AKR1A1: variants seen among roughly 807,000 people sequenced by gnomAD.
AKR1A1 encodes HEL-S-165mP.
In AKR1A1, 26 loss-of-function variants were observed where a neutral mutation model predicts 39.2. That is an observed-to-expected ratio of 0.66 (90% CI 0.49 to 0.92). The LOEUF is 0.92. AKR1A1 is among the 40% of genes least tolerant of loss of function. The pLI is 0.00. For missense variants in AKR1A1, 378 were observed against 406.5 expected (o/e 0.93, Z 0.60); for synonymous variants, 141 against 155.5 (o/e 0.91, Z 0.69).
chr1:45,555,371 C>T (rs1410295681), intron 1 of AKR1A1, among the ~76,000 whole-genome samples: 3 of 152,052 alleles, frequency 2.0e-5, no homozygotes, highest in Non-Finnish European at 4.4e-5. Context: ...CCTGTAATCC[C>T]AGCTACTCGG....
intron 8 of AKR1A1, 138 bp from the exon 9 acceptor site, chr1:45,569,753 G>A (rs1644390621): frequency 2.8e-6 from 2 of 711,568 alleles, no homozygotes; most frequent in South Asian, 3.3e-5. Flanking sequence ...GTTCTCTGAG[G>A]ATGGGGATCC....
chr1:45,568,716 G>A (rs777038009), intron 6 of AKR1A1, 32 bp downstream of exon 6: 1 of 1,611,438 alleles, frequency 6.2e-7, no homozygotes, highest in Non-Finnish European at 8.5e-7. Flanking sequence ...AGGGCCCTGG[G>A]TTGGGAGGCA....
chr1:45,565,778 ATT>A (rs75741001), intron 2 of AKR1A1, among the ~76,000 whole-genome samples: 10 of 141,260 alleles, frequency 7.1e-5, no homozygotes, highest in African/African-American at 1.0e-4. Flanking sequence ...CCTGGCCTTA[ATT>A]TTTTTTTTTT....
At position 45,562,501 on chromosome 1, in the gene AKR1A1, G is replaced by A. The variant is rs76607096; in HGVS notation, c.84+623G>A. On this transcript the variant is annotated intron_variant, in intron 2 of 8. Coordinates refer to ENST00000351829, the MANE Select transcript of AKR1A1 (RefSeq NM_153326.3). ...GGACCACAGGCACACACTAACACAC[G>A]GGCCCAGCAAACTTTTTTTTTTTTT... 6.0e-3 allele frequency among the ~76,000 whole-genome samples: 818 copies of A among 136,834 alleles called. 9 individuals carry two copies. The highest frequency in any genetic ancestry group is 0.039 in the East Asian group (175 of 4,458). The allele number at this position is 136,834 out of a possible 152,430, so 89.8% of individuals were successfully genotyped here.
In AKR1A1 at chr1:45,567,984, G is replaced by T. The variant is rs200920279; in HGVS notation, c.359G>T (p.Arg120Leu). The T allele has an allele frequency of 3.1e-6, 5 of 1,610,766 alleles. No individual in the cohort carries two copies. The highest frequency in any genetic ancestry group is 4.2e-6 in the Non-Finnish European group (5 of 1,177,838). The change falls in exon 5 of 9, where the codon CGG becomes CTG. Residue 120 changes from arginine (R) to leucine (L), a missense_variant and splice_region_variant. Coordinates refer to ENST00000351829, the MANE Select transcript of AKR1A1 (RefSeq NM_153326.3). ...YLMHWPYAFE[R>L]GDNPFPKNAD... ...TGGTGGGGCTGTCTCTCACTCAGGC[G>T]GGGAGACAACCCCTTCCCCAAGAAT...
chr1:45,554,941 T>C (rs1644181086), intron 1 of AKR1A1, among the ~76,000 whole-genome samples: 1 of 152,162 alleles, frequency 6.6e-6, no homozygotes, highest in Non-Finnish European at 1.5e-5. Flanking sequence ...TCTGCTTGCC[T>C]CAGCCTCCCA....
intron 2 of AKR1A1, among the ~76,000 whole-genome samples, chr1:45,562,778 G>C (rs1644294988): frequency 1.3e-5 from 2 of 151,932 alleles, no homozygotes; most frequent in African/African-American, 4.8e-5. Context: ...CCAAAGTGCT[G>C]GGATTACAGA....
intron 1 of AKR1A1, among the ~76,000 whole-genome samples, chr1:45,558,282 G>T (rs1468736144): frequency 6.6e-6 from 1 of 151,892 alleles, no homozygotes; most frequent in Non-Finnish European, 1.5e-5. Flanking sequence ...AGACTGGAGT[G>T]CAGTGGCACT....
rs1270921758 is a variant in AKR1A1, at chr1:45,567,023, G to C, written c.356+3G>C. 6.2e-7 allele frequency: 1 copy of C among 1,613,124 alleles called. No individual in the cohort carries two copies. The highest frequency in any genetic ancestry group is 8.5e-7 in the Non-Finnish European group (1 of 1,179,452). On this transcript the variant is annotated splice_donor_region_variant and intron_variant, in intron 4 of 8. Transcript: ENST00000351829. The stretch of plus-strand genomic sequence containing the variant: ...ATGCACTGGCCTTATGCCTTTGAGT[G>C]AGCCTTGCCAGAGCCTCATCTGGGG...
At chr1:45,565,206 C>T (rs1644325680) in intron 2 of AKR1A1, among the ~76,000 whole-genome samples, 1 of 141,654 alleles carries the variant, frequency 7.1e-6, no homozygotes, top group Admixed American at 7.6e-5. Context: ...TCTTGGCTCA[C>T]TGTAACCTCC....
chr1:45,566,486 T>C, intron 2 of AKR1A1, 83 bp from the exon 3 acceptor site: 6 of 1,566,922 alleles, frequency 3.8e-6, no homozygotes, highest in Non-Finnish European at 5.2e-6. Context: ...CTGAGCCCCC[T>C]TCCCCCAGCA....
At chr1:45,568,860 A>G in intron 6 of AKR1A1, 67 bp from the exon 7 acceptor site, 2 of 1,571,846 alleles carry the variant, frequency 1.3e-6, no homozygotes, top group Non-Finnish European at 1.8e-6. Context: ...GGGAAGCTGC[A>G]TGGGGAACAA....
At chr1:45,563,398 T>C (rs1034941913) in intron 2 of AKR1A1, among the ~76,000 whole-genome samples, 2 of 150,584 alleles carry the variant, frequency 1.3e-5, no homozygotes, top group Non-Finnish European at 3.0e-5. Context: ...AGACTCCGTC[T>C]AGGGGGAAAA....
intron 4 of AKR1A1, 198 bp downstream of exon 4, chr1:45,567,218 A>T: frequency 2.9e-6 from 2 of 693,702 alleles, no homozygotes; most frequent in South Asian, 4.3e-5. Flanking sequence ...TGGAAAAAGG[A>T]AGGCAGTCTC....
In AKR1A1 at chr1:45,568,594, G is replaced by A. The variant is rs769037430; in HGVS notation, c.662G>A (p.Arg221His). ...TTGGGCTCCTCTGATCGTGCATGGC[G>A]TGATCCTGATGAGCCTGTCCTGCTG... ...SPLGSSDRAW[R>H]DPDEPVLLEE... Residue 221 changes from arginine (R) to histidine (H), a missense_variant, in exon 6 of 9, where the codon CGT (arginine) becomes CAT (histidine). By Grantham distance (29) the Arg-to-His change is conservative. Transcript: ENST00000351829. 39 of 1,614,014 alleles carry A rather than the reference G, an allele frequency of 2.4e-5. No homozygotes were observed. In the East Asian group the frequency reaches 4.2e-4, roughly 18 times the overall value.
chr1:45,569,205 G>A lies in AKR1A1; in HGVS notation c.888G>A (p.Trp296Ter). ...MKQLNALNKNWRYIVPMLTVD... is the reference protein window; with the variant it reads ...MKQLNALNKN ...AGCTAAATGCCCTGAACAAAAATTGGAGATATATTGTGCCTATGCTTACGG... is the reference window on the plus strand; with the variant it reads ...AGCTAAATGCCCTGAACAAAAATTGAAGATATATTGTGCCTATGCTTACGG... The change falls in exon 8 of 9, where the codon TGG becomes TGA. Residue 296 changes from tryptophan (W) to a stop codon, truncating the protein, a stop_gained. Coordinates refer to ENST00000351829, the MANE Select transcript of AKR1A1 (RefSeq NM_153326.3). LOFTEE classifies it high-confidence loss of function. 1 of 1,614,084 alleles carries A rather than the reference G, an allele frequency of 6.2e-7. No homozygotes were observed. The highest frequency in any genetic ancestry group is 2.2e-5 in the East Asian group (1 of 44,876).
intron 2 of AKR1A1, among the ~76,000 whole-genome samples, chr1:45,562,278 G>A (rs1644287639): frequency 6.6e-6 from 1 of 151,812 alleles, no homozygotes; most frequent in African/African-American, 2.4e-5. Flanking sequence ...AGGTGTCAAG[G>A]TTTGAAGAAT....
intron 1 of AKR1A1, among the ~76,000 whole-genome samples, chr1:45,552,741 G>C (rs1644147253): frequency 6.6e-6 from 1 of 152,112 alleles, no homozygotes; most frequent in African/African-American, 2.4e-5. Context: ...TTGCTGGAAG[G>C]GTTTGAGACT....
intron 1 of AKR1A1, among the ~76,000 whole-genome samples, chr1:45,553,283 G>A (rs1327737888): frequency 1.3e-5 from 2 of 151,878 alleles, no homozygotes; most frequent in African/African-American, 2.4e-5. Context: ...TTAGCTGGGT[G>A]TGGTGGCATG....
Sources: allele counts gnomAD v4.1 joint callset (sites outside exome capture counted in the v4.1 genomes callset), GRCh38; gene constraint gnomAD v4.1.1; transcripts MANE v1.5; gene names NCBI Gene and HGNC (gene_info 2026-07-23, HGNC 2026-07-21).